CUBN: variants seen among roughly 807,000 people sequenced by gnomAD.
CUBN encodes the protein 460 kDa receptor.
A neutral mutation model predicts 405.3 loss-of-function variants in CUBN; 282 were observed. The ratio of observed to expected loss-of-function variants is 0.70; its 90% confidence interval spans 0.63 to 0.77. The LOEUF is 0.77. Ranked by LOEUF, CUBN falls within the 30% of genes least tolerant of loss-of-function variation. The probability of loss-of-function intolerance (pLI) is 0.00; values close to 1 mark genes in which losing one functional copy is unlikely to be tolerated. For missense variants in CUBN, 4,514 were observed against 4,475.2 expected, an observed-to-expected ratio of 1.01 and a Z score of -0.25; for synonymous variants, 1,684 against 1,617.0, an observed-to-expected ratio of 1.04 and a Z score of -0.99.
intron 9 of CUBN, among the ~76,000 whole-genome samples, chr10:17,110,244 C>A (rs906956065): frequency 2.6e-5 from 4 of 152,142 alleles, no homozygotes; most frequent in Admixed American, 2.0e-4. Flanking sequence ...TACTGTGATG[C>A]CTGTGGTTTA....
chr10:17,097,355 G>A (rs1304999494), intron 14 of CUBN, among the ~76,000 whole-genome samples: 1 of 151,960 alleles, frequency 6.6e-6, no homozygotes, highest in Non-Finnish European at 1.5e-5. Context: ...ACTGAAAAAA[G>A]AAGAAATGTA....
intron 22 of CUBN, among the ~76,000 whole-genome samples, chr10:17,063,242 G>C (rs559302503): frequency 6.6e-6 from 1 of 152,138 alleles, no homozygotes; most frequent in South Asian, 2.1e-4. Flanking sequence ...CCTGGATCTC[G>C]TCATCTGATT....
At chr10:16,825,805 C>G (rs1033883430) in intron 66 of CUBN, among the ~76,000 whole-genome samples, 3 of 152,110 alleles carry the variant, frequency 2.0e-5, no homozygotes, top group Non-Finnish European at 4.4e-5. Context: ...AAGCCCTGCT[C>G]TCATGATGCT....
chr10:16,902,331 A>T (rs573317735), intron 51 of CUBN, among the ~76,000 whole-genome samples: 8 of 143,862 alleles, frequency 5.6e-5, no homozygotes, highest in East Asian at 2.0e-4. Flanking sequence ...GTATATATAT[A>T]TTTTGTATTT....
intron 55 of CUBN, among the ~76,000 whole-genome samples, chr10:16,889,942 A>AAAAAAAAAAAAACAAACAAACAAAC (rs1554788548): frequency 5.9e-5 from 8 of 136,316 alleles, no homozygotes; most frequent in African/African-American, 2.3e-4. Flanking sequence ...TGTCAAAAAA[A>AAAAAAAAAAAAACAAACAAACAAAC]AAAAAAAAAA....
At chr10:17,086,695 C>A (rs1452217858) in intron 15 of CUBN, among the ~76,000 whole-genome samples, 5 of 152,068 alleles carry the variant, frequency 3.3e-5, no homozygotes, top group African/African-American at 1.2e-4. Context: ...AGTCAATGAA[C>A]TAAAGAATAT....
Position 16,948,343 on chromosome 10 carries a change from A to G in CUBN, c.5209+135T>C, listed in dbSNP as rs940635893. The G allele has an allele frequency of 5.6e-6, 6 of 1,066,486 alleles. No individual in the cohort carries two copies. In the African/African-American group the frequency reaches 9.4e-5, roughly 17 times the overall value. The allele number at this position is 1,066,486 out of a possible 1,614,324, so 66.1% of individuals were successfully genotyped here. Reference sequence around the variant, plus strand: ...TGACAACACGATCACTTAATTGGGAAGAAGGTAAGATTTGGCCCAGAGGTG... The same window carrying G: ...TGACAACACGATCACTTAATTGGGAGGAAGGTAAGATTTGGCCCAGAGGTG... On this transcript the variant is annotated intron_variant, in intron 35 of 66. Transcript: ENST00000377833.
chr10:16,835,800 A>G (rs562210044), intron 63 of CUBN, among the ~76,000 whole-genome samples: 35 of 152,238 alleles, frequency 2.3e-4, no homozygotes, highest in African/African-American at 7.7e-4. Context: ...AAGATTTTCA[A>G]TTTTGTGAAA....
chr10:17,069,719 T>C (rs894560071), intron 19 of CUBN, among the ~76,000 whole-genome samples: 59 of 152,224 alleles, frequency 3.9e-4, no homozygotes, highest in African/African-American at 1.4e-3. Flanking sequence ...ATTTTTAAAA[T>C]TTTTTGTAGA....
At chr10:17,096,166 T>C (rs1456965637) in intron 14 of CUBN, among the ~76,000 whole-genome samples, 1 of 152,042 alleles carries the variant, frequency 6.6e-6, no homozygotes, top group Non-Finnish European at 1.5e-5. Flanking sequence ...GGTCAAAGGC[T>C]AAAACGTTTA....
At chr10:17,032,084 G>T (rs1011796653) in intron 27 of CUBN, among the ~76,000 whole-genome samples, 16 of 152,172 alleles carry the variant, frequency 1.1e-4, no homozygotes, top group African/African-American at 3.6e-4. Context: ...CCAGGGAGGA[G>T]CCACTGCTCC....
intron 20 of CUBN, 103 bp from the exon 21 acceptor site, chr10:17,068,383 A>T: frequency 7.8e-7 from 1 of 1,277,054 alleles, no homozygotes. Context: ...AAAAGGAAAA[A>T]TGTTTCTTAG....
chr10:16,961,896 T>C (rs1264670961), intron 31 of CUBN, among the ~76,000 whole-genome samples: 1 of 151,986 alleles, frequency 6.6e-6, no homozygotes, highest in East Asian at 1.9e-4. Context: ...GTATTTTCAG[T>C]AGAGACAAGG....
chr10:16,949,319 G>A (rs1183339018), intron 34 of CUBN, among the ~76,000 whole-genome samples: 1 of 152,132 alleles, frequency 6.6e-6, no homozygotes, highest in African/African-American at 2.4e-5. Context: ...CTGGGAATTA[G>A]GCAACAGGCC....
intron 57 of CUBN, 81 bp downstream of exon 57, chr10:16,876,816 G>A (rs1564398620): frequency 8.5e-7 from 1 of 1,179,470 alleles, no homozygotes; most frequent in Admixed American, 1.7e-5. Context: ...AGTTAGTGCT[G>A]TATGAATCGC....
At chr10:17,034,016 A>T (rs1359564514) in intron 27 of CUBN, among the ~76,000 whole-genome samples, 1 of 152,184 alleles carries the variant, frequency 6.6e-6, no homozygotes, top group Non-Finnish European at 1.5e-5. Flanking sequence ...TGAAAGGAGG[A>T]TACGGGAGTG....
chr10:17,106,459 C>T (rs1006027676), intron 10 of CUBN, among the ~76,000 whole-genome samples: 19 of 150,544 alleles, frequency 1.3e-4, no homozygotes, highest in African/African-American at 2.4e-4. Context: ...AAACAATTAG[C>T]GGGGCATGGT....
chr10:17,106,006 C>A (rs1306587190), intron 10 of CUBN, among the ~76,000 whole-genome samples: 1 of 152,222 alleles, frequency 6.6e-6, no homozygotes, highest in Non-Finnish European at 1.5e-5. Flanking sequence ...AATAGAGGGC[C>A]AGGCACAGTG....
chr10:16,928,773 C>T (rs548996411), intron 40 of CUBN, among the ~76,000 whole-genome samples: 21 of 151,988 alleles, frequency 1.4e-4, no homozygotes, highest in African/African-American at 4.8e-4. Flanking sequence ...TCAAGTGATC[C>T]GCCCTCCTCA....
Sources: allele counts gnomAD v4.1 joint callset (sites outside exome capture counted in the v4.1 genomes callset), GRCh38; gene constraint gnomAD v4.1.1; transcripts MANE v1.5; gene names NCBI Gene and HGNC (gene_info 2026-07-23, HGNC 2026-07-21).